Variants in KLF12 observed in about 807,000 individuals in gnomAD.
The protein encoded by KLF12 is Krueppel-like factor 12.
Under a neutral mutation model 37.8 loss-of-function variants are expected in KLF12, and 9 were observed. The observed-to-expected ratio is 0.24, with a 90% CI of 0.14 to 0.42. The LOEUF is 0.42. Among genes scored for constraint, KLF12 ranks in the 10% least tolerant of loss-of-function variants. The pLI, the probability that KLF12 is intolerant of heterozygous loss-of-function variation, is 1.00. For missense variants in KLF12, 411 were observed against 516.0 expected (o/e 0.80, Z 1.97); for synonymous variants, 208 against 202.1 (o/e 1.03, Z -0.25).
At chr13:73,719,623 T>C (rs1876084222) in intron 6 of KLF12, among the ~76,000 whole-genome samples, 1 of 151,566 alleles carries the variant, frequency 6.6e-6, no homozygotes, top group Non-Finnish European at 1.5e-5. Context: ...TTTTTTGAGA[T>C]AGGGTCTTGC....
chr13:74,231,396 G>A, the KLF12 span: 1 of 152,116 alleles, frequency 6.6e-6, no homozygotes, highest in Non-Finnish European at 1.5e-5. Context: ...CACATCATTT[G>A]ATTTGATAAA....
At chr13:73,821,282 A>G (rs1316434806) in intron 4 of KLF12, among the ~76,000 whole-genome samples, 1 of 152,104 alleles carries the variant, frequency 6.6e-6, no homozygotes, top group Non-Finnish European at 1.5e-5. Flanking sequence ...CCCAATTTCA[A>G]TTGCTATCTC....
chr13:74,305,362 T>A, the KLF12 span, among the ~76,000 whole-genome samples: 7 of 152,124 alleles, frequency 4.6e-5, no homozygotes. Context: ...ACTGACTTAT[T>A]TACTGATATC....
the KLF12 span, among the ~76,000 whole-genome samples, chr13:74,212,174 T>C: frequency 6.6e-6 from 1 of 152,202 alleles, no homozygotes; most frequent in Admixed American, 6.5e-5. Context: ...AACTCACCTT[T>C]ATTCAGTTTT....
chr13:74,263,629 C>A, the KLF12 span, among the ~76,000 whole-genome samples: 1 of 152,128 alleles, frequency 6.6e-6, no homozygotes, highest in Admixed American at 6.6e-5. Flanking sequence ...AATAGAAGTT[C>A]CCTCTGTCAC....
the KLF12 span, among the ~76,000 whole-genome samples, chr13:74,284,856 A>G: frequency 6.6e-6 from 1 of 152,226 alleles, no homozygotes; most frequent in Non-Finnish European, 1.5e-5. Context: ...TAGAATTACG[A>G]CAACATTCTC....
At chr13:73,735,952 T>TTTC (rs1491548630) in intron 6 of KLF12, among the ~76,000 whole-genome samples, 6 of 97,708 alleles carry the variant, frequency 6.1e-5, no homozygotes, top group African/African-American at 2.3e-4. Context: ...TCTTTCTTTC[T>TTTC]TTTTCTTTTT....
chr13:73,747,611 AT>A (rs1285068120), intron 6 of KLF12, among the ~76,000 whole-genome samples: 2 of 152,304 alleles, frequency 1.3e-5, no homozygotes, highest in East Asian at 3.9e-4. Context: ...CCTTGTAATA[AT>A]AGTCAACACT....
At chr13:74,017,520 G>A (rs780033973) in intron 1 of KLF12, among the ~76,000 whole-genome samples, 5 of 150,946 alleles carry the variant, frequency 3.3e-5, no homozygotes, top group East Asian at 1.9e-4. Context: ...GCTATAGTAC[G>A]TTGGTACCAA....
At chr13:74,243,530 A>C in the KLF12 span, among the ~76,000 whole-genome samples, 1 of 152,160 alleles carries the variant, frequency 6.6e-6, no homozygotes, top group Non-Finnish European at 1.5e-5. Context: ...GAATTGTCAC[A>C]CTGTTTTCCA....
the KLF12 span, among the ~76,000 whole-genome samples, chr13:74,178,439 A>G: frequency 6.6e-6 from 1 of 152,224 alleles, no homozygotes; most frequent in Admixed American, 6.5e-5. Flanking sequence ...TAAGCAGGCA[A>G]TTAGTAGTGT....
In KLF12 at chr13:74,013,002, T is replaced by C. The variant is rs548813751; in HGVS notation, c.-31-17949A>G. ...AAGCAGCTAATTCAAATCTGTGACA[T>C]AGAAAGAATACCCGCCTGGTAAAGA... On this transcript the variant is annotated intron_variant, in intron 1 of 7. Coordinates refer to ENST00000377669, the MANE Select transcript of KLF12 (RefSeq NM_007249.5). Among the ~76,000 whole-genome samples the C allele has an allele frequency of 2.3e-4, 35 of 152,342 alleles. No homozygotes were observed. The South Asian group carries it at 2.9e-3, about 13-fold the overall frequency.
chr13:73,723,323 C>T (rs1340596585), intron 6 of KLF12, among the ~76,000 whole-genome samples: 1 of 152,000 alleles, frequency 6.6e-6, no homozygotes, highest in Non-Finnish European at 1.5e-5. Flanking sequence ...TAGGATGAAA[C>T]GAGGGTTCTG....
chr13:73,813,245 CTT>C lies in KLF12; in HGVS notation c.711_712del (p.Ser238Ter), dbSNP rs1883037937. 1 of 1,613,904 alleles carries C rather than the reference CTT, an allele frequency of 6.2e-7. No homozygotes were observed. The highest frequency in any genetic ancestry group is 1.7e-5 in the Admixed American group (1 of 59,976). On this transcript the variant is annotated frameshift_variant, in exon 5 of 8. Transcript: ENST00000377669. LOFTEE classifies it high-confidence loss of function. ...TGGCAGGTCATCATCATCACTGTCA[CTT>C]TTACTTTGTCTGGGAGATAGGCCTC...
chr13:73,871,506 C>A (rs1454616503), intron 3 of KLF12, among the ~76,000 whole-genome samples: 1 of 152,126 alleles, frequency 6.6e-6, no homozygotes, highest in Non-Finnish European at 1.5e-5. Context: ...CAGGATAAGT[C>A]ATCACCAGGA....
intron 1 of KLF12, among the ~76,000 whole-genome samples, chr13:74,083,252 C>T (rs947597304): frequency 6.6e-6 from 1 of 152,184 alleles, no homozygotes; most frequent in Non-Finnish European, 1.5e-5. Flanking sequence ...GTGGCTCACG[C>T]CTGCAATCCC....
the KLF12 span, among the ~76,000 whole-genome samples, chr13:74,299,675 G>C: frequency 1.3e-5 from 2 of 152,164 alleles, no homozygotes; most frequent in Non-Finnish European, 2.9e-5. Flanking sequence ...GCCATAGAGA[G>C]TTTTGATGAA....
chr13:73,744,840 G>T (rs1878253713), intron 6 of KLF12, among the ~76,000 whole-genome samples: 1 of 152,148 alleles, frequency 6.6e-6, no homozygotes, highest in Admixed American at 6.5e-5. Context: ...CATTATTAGG[G>T]TTCATTAATT....
At chr13:74,118,759 G>A (rs114134027) in intron 1 of KLF12, among the ~76,000 whole-genome samples, 207 of 152,178 alleles carry the variant, frequency 1.4e-3, no homozygotes, top group African/African-American at 4.5e-3. Context: ...CATCTTAATT[G>A]TAAGAGGGTG....
Sources: gnomAD v4.1 joint callset for allele counts (sites outside exome capture counted in the v4.1 genomes callset) on GRCh38, gnomAD v4.1.1 for gene constraint, MANE v1.5 for transcripts, NCBI Gene and HGNC (gene_info 2026-07-23, HGNC 2026-07-21) for gene names.